The following PXDNL variants were observed in gnomAD, a reference collection of about 807,000 sequenced individuals.
PXDNL encodes the protein probable oxidoreductase PXDNL.
In PXDNL, 145 loss-of-function variants were observed where a neutral mutation model predicts 150.8. That is an observed-to-expected ratio of 0.96 (90% CI 0.84 to 1.10). The LOEUF (loss-of-function observed/expected upper bound fraction) is 1.10, where lower values mean the gene tolerates loss of function less well. Among genes scored for constraint, PXDNL ranks in the 50% least tolerant of loss-of-function variants. The probability of loss-of-function intolerance (pLI) is 0.00; values close to 1 mark genes in which losing one functional copy is unlikely to be tolerated. For synonymous variants in PXDNL, 757 were observed against 725.7 expected (o/e 1.04, Z -0.69); for missense variants, 2,087 against 1,873.9 (o/e 1.11, Z -2.10).
intron 4 of PXDNL, among the ~76,000 whole-genome samples, chr8:51,518,755 C>G (rs1811597891): frequency 6.6e-6 from 1 of 152,114 alleles, no homozygotes. Context: ...AGGAGACATG[C>G]AGCAATTACA....
chr8:51,650,490 TTAGGAA>T (rs1489357332), intron 2 of PXDNL, among the ~76,000 whole-genome samples: 4 of 152,188 alleles, frequency 2.6e-5, no homozygotes, highest in Non-Finnish European at 5.9e-5. Context: ...GAGAAATTTA[TTAGGAA>T]GAGATCAGCC....
At chr8:51,451,746 T>A (rs910719608) in intron 10 of PXDNL, among the ~76,000 whole-genome samples, 2 of 152,170 alleles carry the variant, frequency 1.3e-5, no homozygotes, top group Non-Finnish European at 2.9e-5. Flanking sequence ...CATTAAAAGA[T>A]CAAGAACATG....
intron 21 of PXDNL, among the ~76,000 whole-genome samples, chr8:51,338,728 T>C (rs150296734): frequency 9.4e-4 from 143 of 152,366 alleles, no homozygotes; most frequent in African/African-American, 3.1e-3. Context: ...CAATTTCTAA[T>C]ACAAGTCTTT....
At chr8:51,463,504 A>C (rs1810129792) in intron 8 of PXDNL, among the ~76,000 whole-genome samples, 1 of 152,180 alleles carries the variant, frequency 6.6e-6, no homozygotes, top group African/African-American at 2.4e-5. Flanking sequence ...ATGACTTTAA[A>C]CCACCAATTA....
intron 19 of PXDNL, among the ~76,000 whole-genome samples, chr8:51,354,273 A>G (rs1806438869): frequency 6.6e-6 from 1 of 152,134 alleles, no homozygotes; most frequent in Non-Finnish European, 1.5e-5. Flanking sequence ...ATCATTTATC[A>G]TCATGCTTAT....
At chr8:51,441,121 G>A (rs1002681269) in intron 12 of PXDNL, among the ~76,000 whole-genome samples, 2 of 152,112 alleles carry the variant, frequency 1.3e-5, no homozygotes, top group African/African-American at 4.8e-5. Context: ...TAGTAATATT[G>A]AGTTCTCACG....
intron 1 of PXDNL, among the ~76,000 whole-genome samples, chr8:51,658,939 A>G (rs1286617237): frequency 1.3e-5 from 2 of 152,172 alleles, no homozygotes; most frequent in Admixed American, 1.3e-4. Context: ...TTGCAACATT[A>G]TTTACTAACA....
chr8:51,343,108 A>G (rs1366004056), intron 20 of PXDNL, among the ~76,000 whole-genome samples: 1 of 152,198 alleles, frequency 6.6e-6, no homozygotes, highest in Non-Finnish European at 1.5e-5. Flanking sequence ...CCAAAAACAT[A>G]AAACTCAACA....
chr8:51,572,031 A>G (rs1221790715), intron 3 of PXDNL, among the ~76,000 whole-genome samples: 1 of 151,858 alleles, frequency 6.6e-6, no homozygotes, highest in East Asian at 1.9e-4. Flanking sequence ...GATTTCAACC[A>G]GATAAACCCA....
At chr8:51,457,717 A>G in intron 8 of PXDNL, 50 bp from the exon 9 acceptor site, 1 of 1,461,852 alleles carries the variant, frequency 6.8e-7, no homozygotes, top group Non-Finnish European at 9.4e-7. Flanking sequence ...TTCATGTTTA[A>G]AACTCTTAAC....
chr8:51,324,358 T>TAAA (rs139928861), intron 21 of PXDNL, among the ~76,000 whole-genome samples: 51,292 of 151,996 alleles, frequency 0.34, 10,291 homozygotes, highest in African/African-American at 0.56. Context: ...TTGTTTGCAA[T>TAAA]ACCTTGCAGT....
chr8:51,458,774 A>T (rs927761967), intron 8 of PXDNL, among the ~76,000 whole-genome samples: 7 of 152,222 alleles, frequency 4.6e-5, no homozygotes, highest in Non-Finnish European at 7.4e-5. Flanking sequence ...TGTTAAAGAG[A>T]TGAATAAATT....
chr8:51,552,158 T>A (rs533060838), intron 4 of PXDNL, among the ~76,000 whole-genome samples: 6 of 152,270 alleles, frequency 3.9e-5, no homozygotes, highest in African/African-American at 1.4e-4. Context: ...ACGGCCATAA[T>A]GTAATTAAAA....
chr8:51,592,754 A>T (rs1563476103), intron 2 of PXDNL, 56 bp from the exon 3 acceptor site: 1 of 1,276,380 alleles, frequency 7.8e-7, no homozygotes, highest in Middle Eastern at 1.9e-4. Context: ...CTCTGCAAAC[A>T]TTAAAATAGT....
At chr8:51,390,450 T>G (rs978761558) in intron 17 of PXDNL, among the ~76,000 whole-genome samples, 1 of 152,192 alleles carries the variant, frequency 6.6e-6, no homozygotes, top group African/African-American at 2.4e-5. Context: ...CAGCACATTT[T>G]CTGAAATTCT....
At chr8:51,411,992 A>C (rs1431127471) in intron 15 of PXDNL, among the ~76,000 whole-genome samples, 1 of 152,216 alleles carries the variant, frequency 6.6e-6, no homozygotes, top group Non-Finnish European at 1.5e-5. Flanking sequence ...TCCTCTGCTA[A>C]AGAAAGAACT....
At chr8:51,593,246 G>A (rs1259361149) in intron 2 of PXDNL, among the ~76,000 whole-genome samples, 2 of 152,118 alleles carry the variant, frequency 1.3e-5, no homozygotes, top group East Asian at 3.9e-4. Context: ...AAAATAATAG[G>A]TGGCAGAAAT....
intron 1 of PXDNL, among the ~76,000 whole-genome samples, chr8:51,788,444 C>G (rs4242474): frequency 6.6e-6 from 1 of 152,064 alleles, no homozygotes; most frequent in Non-Finnish European, 1.5e-5. Flanking sequence ...GTGGAAGAGA[C>G]AGTAATCATT....
intron 17 of PXDNL, among the ~76,000 whole-genome samples, chr8:51,399,285 A>C (rs1331228982): frequency 6.6e-6 from 1 of 152,218 alleles, no homozygotes; most frequent in Non-Finnish European, 1.5e-5. Flanking sequence ...TGCATGTAAG[A>C]GTTCATCGCA....
Sources: gnomAD v4.1 joint callset for allele counts (sites outside exome capture counted in the v4.1 genomes callset) on GRCh38, gnomAD v4.1.1 for gene constraint, MANE v1.5 for transcripts, NCBI Gene and HGNC (gene_info 2026-07-23, HGNC 2026-07-21) for gene names.